Variants in AHCTF1 observed in about 807,000 individuals in gnomAD.
The protein encoded by AHCTF1 is AT-hook containing transcription factor 1.
In AHCTF1, 24 loss-of-function variants were observed where a neutral mutation model predicts 248.4. That is an observed-to-expected ratio of 0.10 (90% CI 0.07 to 0.14). AHCTF1 has a LOEUF of 0.14. Ranked by LOEUF, AHCTF1 falls within the 10% of genes least tolerant of loss-of-function variation. The probability of loss-of-function intolerance (pLI) is 1.00; values close to 1 mark genes in which losing one functional copy is unlikely to be tolerated. For missense variants in AHCTF1, 2,206 were observed against 2,636.2 expected (o/e 0.84, Z 3.57); for synonymous variants, 786 against 929.8 (o/e 0.85, Z 2.81).
chr1:246,920,382 TTAAA>T (rs1411029164), intron 1 of AHCTF1, among the ~76,000 whole-genome samples: 1 of 151,674 alleles, frequency 6.6e-6, no homozygotes, highest in South Asian at 2.1e-4. Flanking sequence ...AAATGAAAAA[TTAAA>T]TAAAAACTAA....
chr1:246,866,138 A>G (rs1318058784), intron 26 of AHCTF1, among the ~76,000 whole-genome samples: 1 of 152,180 alleles, frequency 6.6e-6, no homozygotes, highest in African/African-American at 2.4e-5. Flanking sequence ...TGAAAAACAC[A>G]GAAGGTAAAT....
At chr1:246,869,100 T>C (rs143078740) in intron 24 of AHCTF1, among the ~76,000 whole-genome samples, 2,285 of 151,218 alleles carry the variant, frequency 0.015, 56 homozygotes, top group African/African-American at 0.052. Flanking sequence ...CGCCTTGGCC[T>C]CCCAAAGTGC....
chr1:246,907,634 A>C lies in AHCTF1; in HGVS notation c.681T>G (p.Ser227Arg). 1 of 1,613,890 alleles carries C rather than the reference A, an allele frequency of 6.2e-7. No homozygotes were observed. The highest frequency in any genetic ancestry group is 8.5e-7 in the Non-Finnish European group (1 of 1,179,832). The change falls in exon 5 of 36, where the codon AGT (serine) becomes AGG (arginine). Residue 227 changes from serine (S) to arginine (R), a missense_variant. Ser to Arg is a moderately radical substitution (Grantham distance 110). This residue lies in a region of AHCTF1 where 650 missense variants were observed against 870.8 expected (regional missense o/e 0.75). Transcript: ENST00000648844. The part of the protein sequence containing the change: ...SPTGTAVSTL[S>R]YISRTNQLAV... ...CAAGCTGATTTGTCCTGCTTATGTA[A>C]CTAAGAGTTGAAACAGCTGTTCCTG...
intron 12 of AHCTF1, among the ~76,000 whole-genome samples, chr1:246,896,844 TA>T (rs1664610689): frequency 6.6e-6 from 1 of 152,208 alleles, no homozygotes; most frequent in African/African-American, 2.4e-5. Context: ...CCCATGAATG[TA>T]AGTTGAACAG....
chr1:246,928,114 A>G (rs1667078164), intron 1 of AHCTF1, among the ~76,000 whole-genome samples: 1 of 152,020 alleles, frequency 6.6e-6, no homozygotes, highest in Non-Finnish European at 1.5e-5. Context: ...ATCCTGGCTA[A>G]CACGGTGAAA....
At chr1:246,913,110 A>G (rs1357341447) in intron 4 of AHCTF1, 122 bp downstream of exon 4, 1 of 682,246 alleles carries the variant, frequency 1.5e-6, no homozygotes, top group East Asian at 3.2e-5. Context: ...TTTTTTTTTT[A>G]TAGATAGGAA....
intron 14 of AHCTF1, among the ~76,000 whole-genome samples, chr1:246,893,546 C>T (rs1295664844): frequency 6.6e-6 from 1 of 152,158 alleles, no homozygotes; most frequent in African/African-American, 2.4e-5. Flanking sequence ...ACTAACTGGA[C>T]ATGATAGTTT....
At chr1:246,900,525 C>A in intron 8 of AHCTF1, 56 bp from the exon 9 acceptor site, 1 of 1,521,812 alleles carries the variant, frequency 6.6e-7, no homozygotes, top group Non-Finnish European at 8.8e-7. Context: ...AGTAAAATCA[C>A]CTCAACAGAA....
At chr1:246,922,755 G>A (rs1666635555) in intron 1 of AHCTF1, among the ~76,000 whole-genome samples, 1 of 151,294 alleles carries the variant, frequency 6.6e-6, no homozygotes, top group Non-Finnish European at 1.5e-5. Flanking sequence ...GGCCAAGGAG[G>A]GCGGATCACG....
At chr1:246,878,948 G>A (rs1205262003) in intron 21 of AHCTF1, among the ~76,000 whole-genome samples, 1 of 152,146 alleles carries the variant, frequency 6.6e-6, no homozygotes, top group African/African-American at 2.4e-5. Flanking sequence ...GTGTTCATCT[G>A]CGTGTGTTCA....
chr1:246,861,680 A>G (rs540611011), intron 28 of AHCTF1, among the ~76,000 whole-genome samples: 1 of 152,200 alleles, frequency 6.6e-6, no homozygotes, highest in Admixed American at 6.5e-5. Context: ...GGAGGTTTGA[A>G]TCCTACTCCC....
chr1:246,907,133 C>CA, intron 5 of AHCTF1, among the ~76,000 whole-genome samples: 1 of 152,296 alleles, frequency 6.6e-6, no homozygotes, highest in East Asian at 1.9e-4. Flanking sequence ...ACCTGTACAG[C>CA]ATGTTACTGT....
At chr1:246,909,374 G>C (rs1029497205) in intron 4 of AHCTF1, among the ~76,000 whole-genome samples, 2 of 120,112 alleles carry the variant, frequency 1.7e-5, no homozygotes, top group Non-Finnish European at 3.2e-5. Context: ...CCGAGATTGC[G>C]CCACTGCACT....
At position 246,851,347 on chromosome 1, in the gene AHCTF1, A is replaced by C; in HGVS notation, c.4659T>G (p.Leu1553=). 1 of 1,614,088 alleles carries C rather than the reference A, an allele frequency of 6.2e-7. No individual in the cohort carries two copies. Among genetic ancestry groups the C allele is most frequent in the Non-Finnish European group, 8.5e-7 (1 of 1,179,994 alleles). The change falls in exon 33 of 36, where the codon CTT becomes CTG. Residue 1553 remains leucine, a synonymous_variant. Transcript: ENST00000648844. ...NELYPSGTLK[L]QYNFDTIDQQ... is the part of the protein sequence containing the mutation. ...GGTCAATAGTATCAAAATTGTACTG[A>C]AGCTTAAGTGTTCCAGAGGGATATA...
intron 24 of AHCTF1, among the ~76,000 whole-genome samples, chr1:246,869,779 G>A (rs1276462865): frequency 1.3e-5 from 2 of 152,082 alleles, no homozygotes; most frequent in Non-Finnish European, 2.9e-5. Flanking sequence ...CAGGAGCCCT[G>A]ATGATGTACA....
intron 24 of AHCTF1, among the ~76,000 whole-genome samples, chr1:246,875,336 C>A (rs1271381083): frequency 6.6e-6 from 1 of 152,160 alleles, no homozygotes; most frequent in Non-Finnish European, 1.5e-5. Flanking sequence ...TTTGGAGAAT[C>A]CTCCCCGGTG....
intron 26 of AHCTF1, among the ~76,000 whole-genome samples, chr1:246,865,751 T>G (rs529307691): frequency 1.3e-4 from 11 of 87,542 alleles, no homozygotes; most frequent in African/African-American, 1.1e-3. Context: ...ACTTAATAGT[T>G]TAAAGGTTCT....
At chr1:246,872,971 C>T (rs1364773785) in intron 24 of AHCTF1, among the ~76,000 whole-genome samples, 1 of 152,156 alleles carries the variant, frequency 6.6e-6, no homozygotes. Flanking sequence ...ACCAACTAAA[C>T]TGTTTGGACC....
In AHCTF1 at chr1:246,909,359, G is replaced by A. The variant is rs543153544; in HGVS notation, c.557-1601C>T. Among the ~76,000 whole-genome samples, 6 of 136,246 alleles carry A rather than the reference G, an allele frequency of 4.4e-5. No homozygotes were observed. The South Asian group carries it at 1.4e-3, about 32-fold the overall frequency. 89.4% of individuals were successfully genotyped at this position (136,246 alleles called of 152,430 possible). ...CTGAACCCAGGAGGCAGAGGTTGCA[G>A]TGAGCCGAGATTGCGCCACTGCACT... On this transcript the variant is annotated intron_variant, in intron 4 of 35. Coordinates refer to ENST00000648844, the MANE Select transcript of AHCTF1 (RefSeq NM_001323342.2).
Sources: gnomAD v4.1 joint callset for allele counts (sites outside exome capture counted in the v4.1 genomes callset) on GRCh38, gnomAD v4.1.1 for gene constraint, gnomAD v4.1.1 regional missense constraint, MANE v1.5 for transcripts, NCBI Gene and HGNC (gene_info 2026-07-23, HGNC 2026-07-21) for gene names.